Variants in LAMA2 observed in about 807,000 individuals in gnomAD.
LAMA2 encodes laminin subunit alpha-2.
Under a neutral mutation model 364.8 loss-of-function variants are expected in LAMA2, and 269 were observed. The observed-to-expected ratio is 0.74, with a 90% CI of 0.67 to 0.82. LAMA2 has a LOEUF of 0.82. Ranked by LOEUF, LAMA2 falls within the 40% of genes least tolerant of loss-of-function variation. LAMA2 has a pLI of 0.00. For synonymous variants in LAMA2, 1,379 were observed against 1,370.6 expected, an observed-to-expected ratio of 1.01 and a Z score of -0.14; for missense variants, 3,807 against 3,873.2, an observed-to-expected ratio of 0.98 and a Z score of 0.45.
intron 15 of LAMA2, among the ~76,000 whole-genome samples, chr6:129,262,228 A>C (rs1176782836): frequency 6.6e-6 from 1 of 152,112 alleles, no homozygotes; most frequent in Admixed American, 6.6e-5. Context: ...AATTCTGTAA[A>C]TTTACCTGTA....
intron 14 of LAMA2, among the ~76,000 whole-genome samples, chr6:129,260,223 A>G (rs1787020709): frequency 6.6e-6 from 1 of 152,130 alleles, no homozygotes; most frequent in African/African-American, 2.4e-5. Context: ...GCTTATACCA[A>G]CTACAAACAA....
chr6:128,926,678 T>A (rs1289319141), intron 1 of LAMA2, among the ~76,000 whole-genome samples: 1 of 152,228 alleles, frequency 6.6e-6, no homozygotes, highest in Non-Finnish European at 1.5e-5. Context: ...ATATTTGTGC[T>A]CCTTTTTAAT....
intron 29 of LAMA2, among the ~76,000 whole-genome samples, chr6:129,341,891 G>T (rs973563110): frequency 3.9e-5 from 6 of 152,232 alleles, no homozygotes; most frequent in Non-Finnish European, 8.8e-5. Flanking sequence ...CCACCTTGAG[G>T]TGGTTTCAGA....
chr6:128,902,138 G>A (rs1777125796), intron 1 of LAMA2, among the ~76,000 whole-genome samples: 2 of 152,200 alleles, frequency 1.3e-5, no homozygotes, highest in African/African-American at 4.8e-5. Flanking sequence ...CCTGAGAACA[G>A]CATGGGGGAA....
At chr6:129,487,792 A>G (rs1186990128) in intron 56 of LAMA2, among the ~76,000 whole-genome samples, 1 of 152,196 alleles carries the variant, frequency 6.6e-6, no homozygotes, top group Non-Finnish European at 1.5e-5. Flanking sequence ...TTTAGAAACC[A>G]TGATCGAGAC....
intron 61 of LAMA2, among the ~76,000 whole-genome samples, chr6:129,506,858 T>C (rs932275089): frequency 1.8e-4 from 27 of 152,278 alleles, no homozygotes; most frequent in Non-Finnish European, 3.4e-4. Context: ...AACTAAAGTC[T>C]CTGAAGTGAC....
chr6:129,400,307 A>G (rs6902480), intron 37 of LAMA2, among the ~76,000 whole-genome samples: 8,068 of 152,290 alleles, frequency 0.053, 496 homozygotes, highest in East Asian at 0.19. Flanking sequence ...TTCAGGGGAC[A>G]CAGACATTCA....
At chr6:129,369,836 C>T (rs1313445914) in intron 33 of LAMA2, 56 bp from the exon 34 acceptor site, 1 of 1,402,988 alleles carries the variant, frequency 7.1e-7, no homozygotes, top group African/African-American at 1.4e-5. Flanking sequence ...TTCTGTCGAA[C>T]ACTATCACTG....
At chr6:129,325,087 C>T (rs1352195936) in intron 28 of LAMA2, among the ~76,000 whole-genome samples, 1 of 152,150 alleles carries the variant, frequency 6.6e-6, no homozygotes, top group Non-Finnish European at 1.5e-5. Context: ...CAGCCCTGAG[C>T]CTAGGATAGG....
intron 1 of LAMA2, among the ~76,000 whole-genome samples, chr6:129,029,073 C>T (rs972867734): frequency 1.3e-5 from 2 of 151,482 alleles, no homozygotes; most frequent in African/African-American, 2.4e-5. Flanking sequence ...TAAAAATAGA[C>T]AAAATATTAT....
chr6:129,492,879 CG>C (rs1325735194), intron 58 of LAMA2, among the ~76,000 whole-genome samples: 1 of 152,182 alleles, frequency 6.6e-6, no homozygotes, highest in East Asian at 1.9e-4. Flanking sequence ...CTAGGCCAGG[CG>C]CGGTGGCTCA....
chr6:129,203,908 T>C (rs1360782828), intron 12 of LAMA2, among the ~76,000 whole-genome samples: 1 of 152,182 alleles, frequency 6.6e-6, no homozygotes, highest in Non-Finnish European at 1.5e-5. Context: ...CTCTCGAAAA[T>C]GTCCTTAGCA....
intron 12 of LAMA2, among the ~76,000 whole-genome samples, chr6:129,228,626 A>G (rs993918901): frequency 6.6e-6 from 1 of 152,222 alleles, no homozygotes; most frequent in Admixed American, 6.5e-5. Flanking sequence ...TGTATAATAC[A>G]GCTAGAAAGA....
intron 40 of LAMA2, among the ~76,000 whole-genome samples, chr6:129,426,368 C>T (rs1246748354): frequency 1.3e-5 from 2 of 151,978 alleles, no homozygotes; most frequent in East Asian, 1.9e-4. Flanking sequence ...GTAAAAATGA[C>T]GTGTAAATTT....
chr6:129,351,029 T>A (rs1776824000), intron 31 of LAMA2, among the ~76,000 whole-genome samples: 1 of 152,164 alleles, frequency 6.6e-6, no homozygotes, highest in Non-Finnish European at 1.5e-5. Context: ...ATCTTTTGGA[T>A]ATAGATATAG....
intron 53 of LAMA2, among the ~76,000 whole-genome samples, chr6:129,477,783 A>C (rs1784144896): frequency 6.6e-6 from 1 of 152,142 alleles, no homozygotes; most frequent in Non-Finnish European, 1.5e-5. Flanking sequence ...CTGTTAAAAA[A>C]AAACATTTTT....
At chr6:129,240,320 C>G (rs953306162) in intron 12 of LAMA2, among the ~76,000 whole-genome samples, 2 of 152,168 alleles carry the variant, frequency 1.3e-5, no homozygotes, top group African/African-American at 4.8e-5. Flanking sequence ...CAGACACACT[C>G]AGGTACAATA....
At chr6:129,100,826 C>G (rs570351684) in intron 4 of LAMA2, among the ~76,000 whole-genome samples, 1 of 152,188 alleles carries the variant, frequency 6.6e-6, no homozygotes, top group Non-Finnish European at 1.5e-5. Flanking sequence ...ATGATTTAAT[C>G]TCTCTGGGAT....
At chr6:129,062,878 A>G (rs1368344241) in intron 3 of LAMA2, among the ~76,000 whole-genome samples, 1 of 145,198 alleles carries the variant, frequency 6.9e-6, no homozygotes, top group East Asian at 2.0e-4. Flanking sequence ...AAACGATTGC[A>G]TTTATTTGAT....
Sources: gnomAD v4.1 joint callset for allele counts (sites outside exome capture counted in the v4.1 genomes callset) on GRCh38, gnomAD v4.1.1 for gene constraint, MANE v1.5 for transcripts, NCBI Gene and HGNC (gene_info 2026-07-23, HGNC 2026-07-21) for gene names.